PPARGC1A: variants seen among roughly 807,000 people sequenced by gnomAD.
The protein encoded by PPARGC1A is peroxisome proliferator-activated receptor gamma coactivator 1-alpha.
Under a neutral mutation model 88.7 loss-of-function variants are expected in PPARGC1A, and 25 were observed. That is an observed-to-expected ratio of 0.28 (90% CI 0.21 to 0.39). PPARGC1A has a LOEUF of 0.39. Ranked by LOEUF, PPARGC1A falls within the 10% of genes least tolerant of loss-of-function variation. The pLI is 1.00. For missense variants in PPARGC1A, 880 were observed against 968.7 expected, an observed-to-expected ratio of 0.91 and a Z score of 1.22; for synonymous variants, 363 against 355.6, an observed-to-expected ratio of 1.02 and a Z score of -0.24.
chr4:24,396,166 C>T, the PPARGC1A span, among the ~76,000 whole-genome samples: 1 of 152,134 alleles, frequency 6.6e-6, no homozygotes. Flanking sequence ...TCAGGTAGAG[C>T]CACCAGGGAG....
At chr4:24,187,857 G>A in the PPARGC1A span, among the ~76,000 whole-genome samples, 39 of 152,178 alleles carry the variant, frequency 2.6e-4, no homozygotes, top group African/African-American at 8.9e-4. Context: ...ATGCCCTGAA[G>A]AATAAGTACT....
the PPARGC1A span, among the ~76,000 whole-genome samples, chr4:24,177,203 A>T: frequency 6.6e-5 from 10 of 152,236 alleles, no homozygotes; most frequent in Non-Finnish European, 1.2e-4. Context: ...AATAGTAAAG[A>T]CTTGGAACCA....
the PPARGC1A span, among the ~76,000 whole-genome samples, chr4:24,006,036 G>T: frequency 1.3e-5 from 2 of 151,938 alleles, no homozygotes; most frequent in African/African-American, 4.8e-5. Context: ...TTTTGTTTTT[G>T]TGTTGTTGTT....
chr4:24,446,504 T>C, the PPARGC1A span, among the ~76,000 whole-genome samples: 6 of 152,186 alleles, frequency 3.9e-5, no homozygotes, highest in African/African-American at 1.2e-4. Flanking sequence ...CAAAGACTAT[T>C]TTAGCGAAGT....
At chr4:23,867,335 T>C (rs1712245193) in intron 2 of PPARGC1A, among the ~76,000 whole-genome samples, 1 of 152,256 alleles carries the variant, frequency 6.6e-6, no homozygotes, top group African/African-American at 2.4e-5. Flanking sequence ...CTTTGTATTA[T>C]GCGCACTTAA....
chr4:24,254,789 G>A, the PPARGC1A span, among the ~76,000 whole-genome samples: 1 of 152,176 alleles, frequency 6.6e-6, no homozygotes, highest in Non-Finnish European at 1.5e-5. Flanking sequence ...ATTTAATTAT[G>A]CAATTATCTC....
the PPARGC1A span, among the ~76,000 whole-genome samples, chr4:24,056,678 C>T: frequency 6.6e-6 from 1 of 152,116 alleles, no homozygotes; most frequent in Non-Finnish European, 1.5e-5. Flanking sequence ...CCTTAATGTC[C>T]TGATCTGTAA....
chr4:24,123,568 G>A, the PPARGC1A span, among the ~76,000 whole-genome samples: 4 of 151,920 alleles, frequency 2.6e-5, no homozygotes, highest in African/African-American at 7.3e-5. Flanking sequence ...CGGGACTGAG[G>A]TTAAAAAAAA....
At chr4:24,285,204 C>T in the PPARGC1A span, among the ~76,000 whole-genome samples, 1 of 152,136 alleles carries the variant, frequency 6.6e-6, no homozygotes, top group African/African-American at 2.4e-5. Context: ...ATGAATGTTT[C>T]CCTGCTGATG....
the PPARGC1A span, among the ~76,000 whole-genome samples, chr4:24,040,787 T>C: frequency 6.6e-6 from 1 of 152,212 alleles, no homozygotes; most frequent in Non-Finnish European, 1.5e-5. Context: ...TTTTCTAACA[T>C]TTTAGCAAAA....
chr4:23,817,242 C>T (rs932702173), intron 7 of PPARGC1A, among the ~76,000 whole-genome samples: 32 of 151,942 alleles, frequency 2.1e-4, no homozygotes, highest in African/African-American at 7.7e-4. Flanking sequence ...AATTTGAAAC[C>T]CTTGTCCTAG....
chr4:24,450,440 G>A, the PPARGC1A span, among the ~76,000 whole-genome samples: 7 of 152,156 alleles, frequency 4.6e-5, no homozygotes, highest in Non-Finnish European at 1.0e-4. Context: ...CAAGACCTTC[G>A]CCATCACATT....
the PPARGC1A span, among the ~76,000 whole-genome samples, chr4:24,127,357 C>A: frequency 9.4e-3 from 1,430 of 152,010 alleles, 24 homozygotes; most frequent in African/African-American, 0.033. Flanking sequence ...AGCCTTTTCA[C>A]GCCATAAGCC....
the PPARGC1A span, among the ~76,000 whole-genome samples, chr4:24,462,397 A>G: frequency 6.6e-6 from 1 of 151,796 alleles, no homozygotes; most frequent in Non-Finnish European, 1.5e-5. Context: ...GCGCCTGGCC[A>G]GCATGTTTTA....
the PPARGC1A span, among the ~76,000 whole-genome samples, chr4:23,910,549 TC>T: frequency 6.8e-6 from 1 of 146,448 alleles, no homozygotes; most frequent in Admixed American, 7.2e-5. Flanking sequence ...CAAGCAATTC[TC>T]CTGCCTCAGC....
chr4:23,997,660 C>T, the PPARGC1A span, among the ~76,000 whole-genome samples: 2 of 151,920 alleles, frequency 1.3e-5, no homozygotes, highest in Non-Finnish European at 2.9e-5. Context: ...CACCACCACA[C>T]CAGGCTAAGT....
the PPARGC1A span, among the ~76,000 whole-genome samples, chr4:24,167,990 A>G: frequency 1.3e-5 from 2 of 152,148 alleles, no homozygotes; most frequent in South Asian, 2.1e-4. Context: ...CTCCTGCTCA[A>G]GCAGTCTGCC....
At chr4:24,133,187 T>TG in the PPARGC1A span, among the ~76,000 whole-genome samples, 1 of 152,074 alleles carries the variant, frequency 6.6e-6, no homozygotes, top group African/African-American at 2.4e-5. Context: ...GTTTCCCCCC[T>TG]GGGGGGTGGT....
At chr4:24,177,482 G>T in the PPARGC1A span, among the ~76,000 whole-genome samples, 1 of 151,838 alleles carries the variant, frequency 6.6e-6, no homozygotes, top group East Asian at 1.9e-4. Context: ...GGGGGGAAGG[G>T]GGAGGGATAG....
Sources: gnomAD v4.1 joint callset for allele counts (sites outside exome capture counted in the v4.1 genomes callset) on GRCh38, gnomAD v4.1.1 for gene constraint, MANE v1.5 for transcripts, NCBI Gene and HGNC (gene_info 2026-07-23, HGNC 2026-07-21) for gene names.